Variants in CSMD1 observed in about 807,000 individuals in gnomAD.
CSMD1 encodes the protein CUB and sushi domain-containing protein 1.
In CSMD1, 213 loss-of-function variants were observed where a neutral mutation model predicts 417.5. The observed-to-expected ratio is 0.51, with a 90% CI of 0.46 to 0.57. CSMD1 has a LOEUF of 0.57. Among genes scored for constraint, CSMD1 ranks in the 20% least tolerant of loss-of-function variants. CSMD1 has a pLI of 0.00. For missense variants in CSMD1, 6,923 were observed against 4,529.7 expected (o/e 1.53, Z -15.17); for synonymous variants, 2,862 against 1,736.8 (o/e 1.65, Z -16.11).
chr8:4,768,217 G>C (rs565995940), intron 1 of CSMD1, among the ~76,000 whole-genome samples: 1 of 152,246 alleles, frequency 6.6e-6, no homozygotes, highest in South Asian at 2.1e-4. Context: ...GTTGGAATGA[G>C]CTTCCCATGA....
chr8:3,852,333 G>A (rs1048127562), intron 5 of CSMD1, among the ~76,000 whole-genome samples: 5 of 152,008 alleles, frequency 3.3e-5, no homozygotes, highest in African/African-American at 1.2e-4. Context: ...AAGGGAGAAT[G>A]GCCCGAAGGA....
At chr8:3,164,920 A>C (rs1820116188) in intron 37 of CSMD1, among the ~76,000 whole-genome samples, 1 of 151,928 alleles carries the variant, frequency 6.6e-6, no homozygotes, top group Non-Finnish European at 1.5e-5. Context: ...ATTTATTGTC[A>C]TTTTCTCCTT....
intron 7 of CSMD1, among the ~76,000 whole-genome samples, chr8:3,645,502 G>C (rs575950553): frequency 6.6e-6 from 1 of 152,198 alleles, no homozygotes; most frequent in Non-Finnish European, 1.5e-5. Context: ...AAATGGGGAA[G>C]GGGAAGGAAG....
intron 50 of CSMD1, among the ~76,000 whole-genome samples, chr8:3,052,080 T>G (rs1811855880): frequency 6.6e-6 from 1 of 152,186 alleles, no homozygotes; most frequent in Non-Finnish European, 1.5e-5. Context: ...ATATGGAAGA[T>G]AAATAGGAAA....
intron 4 of CSMD1, among the ~76,000 whole-genome samples, chr8:4,019,357 C>A (rs796753932): frequency 6.6e-6 from 1 of 152,168 alleles, no homozygotes; most frequent in African/African-American, 2.4e-5. Flanking sequence ...AGTTTTGTGT[C>A]TGTTCCCATA....
chr8:3,719,872 T>C (rs1381059141), intron 6 of CSMD1, among the ~76,000 whole-genome samples: 3 of 152,164 alleles, frequency 2.0e-5, no homozygotes, highest in African/African-American at 7.2e-5. Context: ...GACTTAATCA[T>C]TGTTCTGGAA....
chr8:4,156,987 C>T (rs1796870507), intron 3 of CSMD1, among the ~76,000 whole-genome samples: 1 of 152,036 alleles, frequency 6.6e-6, no homozygotes, highest in Non-Finnish European at 1.5e-5. Flanking sequence ...TGCATACATC[C>T]CAGATGATAT....
intron 5 of CSMD1, among the ~76,000 whole-genome samples, chr8:3,982,265 A>G (rs1813942440): frequency 6.6e-6 from 1 of 151,318 alleles, no homozygotes; most frequent in South Asian, 2.1e-4. Flanking sequence ...GAATGCTGGG[A>G]TTTAAATCCT....
chr8:4,712,325 A>G (rs1289349232), intron 1 of CSMD1, among the ~76,000 whole-genome samples: 1 of 152,210 alleles, frequency 6.6e-6, no homozygotes, highest in Non-Finnish European at 1.5e-5. Flanking sequence ...GTCACTTCCA[A>G]CCACGCATTT....
chr8:4,975,705 C>G (rs1810514594), intron 1 of CSMD1, among the ~76,000 whole-genome samples: 1 of 152,176 alleles, frequency 6.6e-6, no homozygotes, highest in Non-Finnish European at 1.5e-5. Context: ...CCATTGTGAG[C>G]TCTTCAGGGT....
intron 3 of CSMD1, among the ~76,000 whole-genome samples, chr8:4,288,423 C>A (rs1052678736): frequency 6.6e-6 from 1 of 152,176 alleles, no homozygotes; most frequent in African/African-American, 2.4e-5. Context: ...TTCACACAAA[C>A]TCAGGAAATT....
chr8:4,159,142 C>T (rs955406266), intron 3 of CSMD1, among the ~76,000 whole-genome samples: 2 of 152,088 alleles, frequency 1.3e-5, no homozygotes, highest in South Asian at 2.1e-4. Flanking sequence ...TCTTGAACTC[C>T]CAACTTCAGG....
rs75593677 is a variant in CSMD1 at position 3,415,521 on chromosome 8, G to A, written c.1562-5916C>T. ...TATACGCATGCATCATCACGCCCAG[G>A]TAATTTTTGTATTTTTTAGCAGCGA... On this transcript the variant is annotated intron_variant, in intron 12 of 69. Transcript: ENST00000635120. Among the ~76,000 whole-genome samples, 590 of 152,210 alleles carry A rather than the reference G, an allele frequency of 3.9e-3. 3 individuals carry two copies. Among genetic ancestry groups the A allele is most frequent in the African/African-American group, 0.013 (545 of 41,526 alleles).
intron 2 of CSMD1, among the ~76,000 whole-genome samples, chr8:4,457,855 G>C (rs538110137): frequency 5.8e-4 from 89 of 152,166 alleles, no homozygotes; most frequent in Admixed American, 4.4e-3. Context: ...TCCGAGGCTT[G>C]GCACCTCCCC....
At chr8:3,807,991 T>C (rs148902786) in intron 5 of CSMD1, among the ~76,000 whole-genome samples, 1 of 152,320 alleles carries the variant, frequency 6.6e-6, no homozygotes, top group Non-Finnish European at 1.5e-5. Context: ...TCCTGTGTCA[T>C]TTAAATGCTT....
At chr8:4,012,082 A>G (rs926552706) in intron 4 of CSMD1, among the ~76,000 whole-genome samples, 3 of 152,170 alleles carry the variant, frequency 2.0e-5, no homozygotes, top group African/African-American at 4.8e-5. Flanking sequence ...GCCTAGCTAT[A>G]TTGTAGACAT....
chr8:4,331,452 G>A (rs746891138), intron 3 of CSMD1, among the ~76,000 whole-genome samples: 6 of 152,138 alleles, frequency 3.9e-5, no homozygotes, highest in African/African-American at 9.7e-5. Context: ...TTCTGGTAAC[G>A]AGAGCCTTGC....
chr8:3,856,128 G>A (rs1156787633), intron 5 of CSMD1, among the ~76,000 whole-genome samples: 1 of 152,036 alleles, frequency 6.6e-6, no homozygotes, highest in African/African-American at 2.4e-5. Context: ...TGGAGACGGG[G>A]CTTGGTGGGA....
At chr8:3,508,945 T>C (rs1014137706) in intron 10 of CSMD1, among the ~76,000 whole-genome samples, 2 of 152,122 alleles carry the variant, frequency 1.3e-5, no homozygotes, top group South Asian at 4.1e-4. Context: ...GAACTTAAAG[T>C]CCTCATGCTT....
Sources: allele counts gnomAD v4.1 joint callset (sites outside exome capture counted in the v4.1 genomes callset), GRCh38; gene constraint gnomAD v4.1.1; transcripts MANE v1.5; gene names NCBI Gene and HGNC (gene_info 2026-07-23, HGNC 2026-07-21).